Variants in TRPM7 observed in about 807,000 individuals in gnomAD.
TRPM7 encodes the protein LTRPC ion channel family member 7.
In TRPM7, 134 loss-of-function variants were observed where a neutral mutation model predicts 229.7. That is an observed-to-expected ratio of 0.58 (90% CI 0.51 to 0.67). The LOEUF (loss-of-function observed/expected upper bound fraction) is 0.67. TRPM7 is among the 30% of genes least tolerant of loss of function. TRPM7 has a pLI of 0.00. For synonymous variants in TRPM7, 699 were observed against 715.2 expected, an observed-to-expected ratio of 0.98 and a Z score of 0.36; for missense variants, 1,901 against 2,210.0, an observed-to-expected ratio of 0.86 and a Z score of 2.80.
chr15:50,594,377 A>T, intron 24 of TRPM7, 52 bp downstream of exon 24: 1 of 1,434,588 alleles, frequency 7.0e-7, no homozygotes, highest in South Asian at 1.3e-5. Context: ...CCTTTGGTGT[A>T]AAAATGAGAA....
At chr15:50,662,884 G>T in intron 2 of TRPM7, 83 bp downstream of exon 2, 2 of 973,228 alleles carry the variant, frequency 2.1e-6, no homozygotes, top group Admixed American at 2.3e-5. Flanking sequence ...TTATTTAGTG[G>T]TTTTTGTTTC....
chr15:50,591,305 G>A (rs2059486502), intron 26 of TRPM7, among the ~76,000 whole-genome samples: 1 of 152,028 alleles, frequency 6.6e-6, no homozygotes, highest in African/African-American at 2.4e-5. Context: ...TTTTCCAGTT[G>A]ATTCTAACCT....
chr15:50,613,911 A>C (rs1289594179), intron 14 of TRPM7, 70 bp from the exon 15 acceptor site: 1 of 1,545,108 alleles, frequency 6.5e-7, no homozygotes, highest in Non-Finnish European at 8.8e-7. Context: ...TCAAGAATCA[A>C]TTTATATATG....
chr15:50,608,727 G>T (rs371931992), intron 19 of TRPM7, among the ~76,000 whole-genome samples: 1 of 152,154 alleles, frequency 6.6e-6, no homozygotes, highest in South Asian at 2.1e-4. Flanking sequence ...ACAAATTCTT[G>T]TTGATGAAAA....
Position 50,637,442 on chromosome 15 carries a change from T to C in TRPM7, c.812A>G (p.Asn271Ser). 4.3e-6 allele frequency: 7 copies of C among 1,611,358 alleles called. No individual in the cohort carries two copies. The highest frequency in any genetic ancestry group is 5.9e-6 in the Non-Finnish European group (7 of 1,179,474). Residue 271 changes from asparagine (N) to serine (S), a missense_variant, in exon 7 of 39, where the codon AAT (asparagine) becomes AGT (serine). Transcript: ENST00000646667. ...CTTACTAGCATGAATTCTTTGCTGA[T>C]TAATAGTTTTTTCAAGTTCTCTTCT... Reference protein sequence around the residue: ...RLRRELEKTINQQRIHARIGQ... With the variant: ...RLRRELEKTISQQRIHARIGQ...
intron 1 of TRPM7, among the ~76,000 whole-genome samples, chr15:50,680,021 G>A (rs1480491020): frequency 6.6e-6 from 1 of 151,992 alleles, no homozygotes; most frequent in Non-Finnish European, 1.5e-5. Context: ...ATCACTTGAG[G>A]TCAGGAGTTC....
chr15:50,626,206 T>TTATAA (rs1212599496), intron 11 of TRPM7, among the ~76,000 whole-genome samples: 1 of 152,158 alleles, frequency 6.6e-6, no homozygotes, highest in Non-Finnish European at 1.5e-5. Flanking sequence ...ACTGAAATAT[T>TTATAA]TATTTTTTAT....
chr15:50,619,765 G>C lies in TRPM7; in HGVS notation c.1474C>G (p.Leu492Val). ...CTTACCTGTTTGACGTCTCGAACAAGATGAAACAGCATTGGATTAGTTGGA... is the reference window on the plus strand; with the variant it reads ...CTTACCTGTTTGACGTCTCGAACAACATGAAACAGCATTGGATTAGTTGGA... ...QGPTNPMLFHLVRDVKQGNLP... is the reference protein window; with the variant it reads ...QGPTNPMLFHVVRDVKQGNLP... The change falls in exon 13 of 39, where the codon CTT becomes GTT. Residue 492 changes from leucine (L) to valine (V), a missense_variant. This residue lies in a region of TRPM7 where 794 missense variants were observed against 881.9 expected (regional missense o/e 0.90). Transcript: ENST00000646667. 6.3e-7 allele frequency: 1 copy of C among 1,597,768 alleles called. No homozygotes were observed. Among genetic ancestry groups the C allele is most frequent in the Non-Finnish European group, 8.5e-7 (1 of 1,175,222 alleles).
intron 11 of TRPM7, among the ~76,000 whole-genome samples, chr15:50,626,902 T>C (rs1470304386): frequency 2.6e-5 from 4 of 152,162 alleles, no homozygotes. Flanking sequence ...AGAAAGGTAC[T>C]ATTAACTACA....
At chr15:50,577,796 G>A (rs2054207483) in intron 31 of TRPM7, among the ~76,000 whole-genome samples, 1 of 152,144 alleles carries the variant, frequency 6.6e-6, no homozygotes, top group Non-Finnish European at 1.5e-5. Context: ...TAGCCATACA[G>A]TGGAAGCTAC....
At chr15:50,666,447 T>G (rs577390315) in intron 1 of TRPM7, among the ~76,000 whole-genome samples, 1 of 144,046 alleles carries the variant, frequency 6.9e-6, no homozygotes, top group Admixed American at 6.9e-5. Flanking sequence ...GAGAAGAAGG[T>G]AGAAGGGAGA....
chr15:50,631,830 C>T (rs1340713504), intron 9 of TRPM7, among the ~76,000 whole-genome samples: 4 of 151,998 alleles, frequency 2.6e-5, no homozygotes, highest in Non-Finnish European at 5.9e-5. Flanking sequence ...CTATAGATTC[C>T]TTATCAGGGT....
At chr15:50,628,074 G>T in intron 11 of TRPM7, 75 bp downstream of exon 11, 2 of 1,054,356 alleles carry the variant, frequency 1.9e-6, no homozygotes, top group Non-Finnish European at 2.9e-6. Flanking sequence ...GTCAAGTCAG[G>T]TCACAGTTCC....
intron 7 of TRPM7, among the ~76,000 whole-genome samples, chr15:50,635,316 C>CAAAAAAA: frequency 3.3e-5 from 1 of 30,506 alleles, no homozygotes; most frequent in Non-Finnish European, 5.6e-5. Flanking sequence ...GACTCCCTCA[C>CAAAAAAA]ATAAAAAAAA....
intron 22 of TRPM7, among the ~76,000 whole-genome samples, chr15:50,597,259 C>T (rs772979707): frequency 4.6e-5 from 7 of 152,094 alleles, no homozygotes; most frequent in Non-Finnish European, 1.0e-4. Flanking sequence ...AGCTTTAATA[C>T]CCCCAACAGC....
intron 28 of TRPM7, among the ~76,000 whole-genome samples, chr15:50,584,717 T>C (rs1235117007): frequency 6.6e-6 from 1 of 152,088 alleles, no homozygotes; most frequent in Non-Finnish European, 1.5e-5. Context: ...GCATTTCCTT[T>C]CAGTCAGTAC....
chr15:50,644,495 G>A (rs1339305879), intron 4 of TRPM7, among the ~76,000 whole-genome samples: 1 of 152,120 alleles, frequency 6.6e-6, no homozygotes, highest in Non-Finnish European at 1.5e-5. Context: ...GAAAATCTCA[G>A]TACTGACAAA....
In TRPM7 at chr15:50,639,427, T is replaced by C. The variant is rs1398637557; in HGVS notation, c.657A>G (p.Arg219=). The change falls in exon 6 of 39, where the codon AGA becomes AGG. Residue 219 remains arginine (R), a synonymous_variant. Coordinates refer to ENST00000646667, the MANE Select transcript of TRPM7 (RefSeq NM_017672.6). ...VIENRNDLVG[R]DVVAPYQTLL... The stretch of plus-strand genomic sequence containing the variant: ...AAATTTTAAAAATAATTCTTACATC[T>C]CTCCCAACAAGATCATTTCTGTTTT... The C allele has an allele frequency of 6.3e-7, 1 of 1,576,294 alleles. No individual in the cohort carries two copies. The highest frequency in any genetic ancestry group is 1.8e-5 in the Admixed American group (1 of 56,500).
intron 28 of TRPM7, among the ~76,000 whole-genome samples, chr15:50,584,633 T>TA (rs151329816): frequency 0.018 from 2,694 of 151,280 alleles, 87 homozygotes; most frequent in African/African-American, 0.063. Context: ...TTTTTTTTTT[T>TA]AAATTTTGGA....
Sources: allele counts gnomAD v4.1 joint callset (sites outside exome capture counted in the v4.1 genomes callset), GRCh38; gene constraint gnomAD v4.1.1; regional missense constraint gnomAD v4.1.1; transcripts MANE v1.5; gene names NCBI Gene and HGNC (gene_info 2026-07-23, HGNC 2026-07-21).